Variants in PPM1A observed in about 807,000 individuals in gnomAD.
The protein encoded by PPM1A is protein phosphatase 1A.
In PPM1A, 7 loss-of-function variants were observed where a neutral mutation model predicts 35.0. That is an observed-to-expected ratio of 0.20 (90% CI 0.11 to 0.38). The LOEUF is 0.38. Ranked by LOEUF, PPM1A falls within the 10% of genes least tolerant of loss-of-function variation. The probability of loss-of-function intolerance (pLI) is 1.00; values close to 1 mark genes in which losing one functional copy is unlikely to be tolerated. For missense variants in PPM1A, 239 were observed against 467.8 expected, an observed-to-expected ratio of 0.51 and a Z score of 4.51; for synonymous variants, 153 against 167.3, an observed-to-expected ratio of 0.91 and a Z score of 0.66.
At chr14:60,275,329 A>C (rs1490876004) in intron 1 of PPM1A, among the ~76,000 whole-genome samples, 1 of 152,044 alleles carries the variant, frequency 6.6e-6, no homozygotes, top group Non-Finnish European at 1.5e-5. Flanking sequence ...TCTTAGCCTT[A>C]CTGATGAACC....
At chr14:60,259,335 A>T (rs1883489313) in intron 1 of PPM1A, among the ~76,000 whole-genome samples, 1 of 152,066 alleles carries the variant, frequency 6.6e-6, no homozygotes, top group Non-Finnish European at 1.5e-5. Flanking sequence ...TTAAATGTTT[A>T]ATAAGTTATA....
chr14:60,263,082 G>T (rs1328333190), intron 1 of PPM1A, among the ~76,000 whole-genome samples: 1 of 152,130 alleles, frequency 6.6e-6, no homozygotes, highest in Non-Finnish European at 1.5e-5. Flanking sequence ...GCCGAACGTG[G>T]TGGTGCACGC....
At position 60,293,577 on chromosome 14, in the gene PPM1A, A is replaced by AT. The variant is rs200827201; in HGVS notation, c.*1100dup. On this transcript the variant is annotated 3_prime_UTR_variant, in exon 6 of 6. Transcript: ENST00000395076. This position sits in a 1 kb window ranked among gnomAD's most constrained non-coding sequence, Gnocchi z 4.0. ...TAAATAGGTTTCTTTCAGGCTGCTTATTTTTCATTAAGATGTGTATCAGCT... is the reference window on the plus strand; with the variant it reads ...TAAATAGGTTTCTTTCAGGCTGCTTATTTTTTCATTAAGATGTGTATCAGCT... 2.6e-5 allele frequency: 4 copies of AT among 151,912 alleles called. No homozygotes were observed. The East Asian group carries it at 7.7e-4, about 29-fold the overall frequency. The allele number at this position is 151,912 out of a possible 1,614,324, so 9.4% of individuals were successfully genotyped here.
At chr14:60,276,437 C>G (rs1220662221) in intron 1 of PPM1A, among the ~76,000 whole-genome samples, 4 of 152,164 alleles carry the variant, frequency 2.6e-5, no homozygotes, top group African/African-American at 9.7e-5. Flanking sequence ...AACCTATTAT[C>G]TCAGTGGTCA....
chr14:60,254,283 G>C lies in PPM1A; in HGVS notation c.-21+4606G>C, dbSNP rs564252104. 2.2e-4 allele frequency among the ~76,000 whole-genome samples: 26 copies of C among 120,614 alleles called. No homozygotes were observed. In the South Asian group the frequency reaches 7.0e-3, roughly 32 times the overall value. The allele number at this position is 120,614 out of a possible 152,430, so 79.1% of individuals were successfully genotyped here. A position where few individuals can be genotyped will look rare whatever the true frequency, so the allele number is the denominator to read the frequency against. On this transcript the variant is annotated intron_variant, in intron 1 of 5. Transcript: ENST00000395076. ...TTTGAATAGACTAAAAGTTATAGAA[G>C]AAAGAGAAAGTTGAGTATGAGTAGC...
chr14:60,249,951 C>G lies in PPM1A; in HGVS notation c.-21+274C>G, dbSNP rs1045989237. Among the ~76,000 whole-genome samples the G allele has an allele frequency of 3.3e-5, 5 of 151,634 alleles. No individual in the cohort carries two copies. The highest frequency in any genetic ancestry group is 2.0e-4 in the East Asian group (1 of 5,090). ...GAGGGGGCGCGACCCTCTGGCCGTC[C>G]GCGGCCGAGATGGGTGTTTGTGGCG... On this transcript the variant is annotated intron_variant, in intron 1 of 5. Transcript: ENST00000395076. The surrounding 1 kb of genome is among the most constrained non-coding windows in gnomAD (Gnocchi z 4.5).
intron 1 of PPM1A, among the ~76,000 whole-genome samples, chr14:60,271,603 A>T (rs947963154): frequency 6.6e-6 from 1 of 152,102 alleles, no homozygotes; most frequent in African/African-American, 2.4e-5. Context: ...ATTGCTAGGG[A>T]CTCGAGAATG....
chr14:60,257,680 T>G (rs1883292072), intron 1 of PPM1A, among the ~76,000 whole-genome samples: 1 of 152,248 alleles, frequency 6.6e-6, no homozygotes, highest in Admixed American at 6.5e-5. Flanking sequence ...TTCTTAGTAC[T>G]ACCTTTTTCT....
rs142872413 is a variant in PPM1A, at chr14:60,266,760, A to T, written c.-20-15924A>T. 1.2e-3 allele frequency among the ~76,000 whole-genome samples: 189 copies of T among 152,298 alleles called. 2 individuals carry two copies. In the East Asian group the frequency reaches 0.023, roughly 18 times the overall value. The stretch of plus-strand genomic sequence containing the variant: ...GGTATTGCAGATTCTCATGATTTTA[A>T]GAATGTTTTGGCTATTCACATTTAT... On this transcript the variant is annotated intron_variant, in intron 1 of 5. Transcript: ENST00000395076.
rs1443736299 is a variant in PPM1A at position 60,249,732 on chromosome 14, G to A, written c.-21+55G>A. 5 of 963,732 alleles carry A rather than the reference G, an allele frequency of 5.2e-6. No homozygotes were observed. In the African/African-American group the frequency reaches 7.1e-5, roughly 14 times the overall value. 59.7% of individuals were successfully genotyped at this position (963,732 alleles called of 1,614,324 possible). A position where few individuals can be genotyped will look rare whatever the true frequency, so the allele number is the denominator to read the frequency against. On this transcript the variant is annotated intron_variant, in intron 1 of 5. Coordinates refer to ENST00000395076, the MANE Select transcript of PPM1A (RefSeq NM_021003.5). This position sits in a 1 kb window ranked among gnomAD's most constrained non-coding sequence, Gnocchi z 4.5. ...CTGGCGGGCGGTGCGGGCCTGCGCG[G>A]CGGCGGCGGCGGGCAGGCCTGGGGC...
chr14:60,287,384 TATG>T, intron 3 of PPM1A: 2 of 981,490 alleles, frequency 2.0e-6, no homozygotes, highest in Non-Finnish European at 2.4e-6. Flanking sequence ...ATAAATTAAA[TATG>T]GTATTTTTTA....
At chr14:60,281,596 C>T (rs988591322) in intron 1 of PPM1A, among the ~76,000 whole-genome samples, 4 of 152,144 alleles carry the variant, frequency 2.6e-5, no homozygotes, top group Non-Finnish European at 5.9e-5. Flanking sequence ...TCATGCTATC[C>T]TTCTTTTGGA....
Position 60,294,463 on chromosome 14 carries a change from G to A in PPM1A, c.*1981G>A, listed in dbSNP as rs1340085446. Reference sequence around the variant, plus strand: ...AATGTTCTAAGTTATGGCTTTGCAAGCATCTAAATGTGCATTTAATGAATA... The same window carrying A: ...AATGTTCTAAGTTATGGCTTTGCAAACATCTAAATGTGCATTTAATGAATA... On this transcript the variant is annotated 3_prime_UTR_variant, in exon 6 of 6. Coordinates refer to ENST00000395076, the MANE Select transcript of PPM1A (RefSeq NM_021003.5). 6.6e-6 allele frequency: 1 copy of A among 151,900 alleles called. No homozygotes were observed. The highest frequency in any genetic ancestry group is 2.4e-5 in the African/African-American group (1 of 41,420). The allele number at this position is 151,900 out of a possible 1,614,324, so 9.4% of individuals were successfully genotyped here.
In PPM1A at chr14:60,249,366, T is replaced by TG. The variant is rs1195242438; in HGVS notation, c.-326dup. ...GAACGGGTGGTTGGGGAGGGGGGGG[T>TG]GGGGGGACTCTAGACAGCTGAGGCG... On this transcript the variant is annotated 5_prime_UTR_variant, in exon 1 of 6. Transcript: ENST00000395076. This position sits in a 1 kb window ranked among gnomAD's most constrained non-coding sequence, Gnocchi z 4.5. The TG allele has an allele frequency of 2.0e-5, 4 of 197,834 alleles. No homozygotes were observed. The highest frequency in any genetic ancestry group is 1.3e-3 in the East Asian group (1 of 774). The allele number at this position is 197,834 out of a possible 1,614,324, so 12.3% of individuals were successfully genotyped here.
intron 4 of PPM1A, among the ~76,000 whole-genome samples, chr14:60,290,790 T>C (rs1384415299): frequency 6.6e-6 from 1 of 152,026 alleles, no homozygotes; most frequent in Non-Finnish European, 1.5e-5. Context: ...ACTTTTTTTT[T>C]CCATATGACT....
At chr14:60,286,138 A>G in intron 3 of PPM1A, 3 of 985,896 alleles carry the variant, frequency 3.0e-6, no homozygotes, top group Non-Finnish European at 3.6e-6. Context: ...AAAGCTGTGT[A>G]TATTAATTTT....
upstream of PPM1A, among the ~76,000 whole-genome samples, chr14:60,248,948 C>T (rs1464006530): frequency 6.6e-6 from 1 of 152,210 alleles, no homozygotes; most frequent in Non-Finnish European, 1.5e-5. Context: ...CCGGACGCTC[C>T]CTTCGGCTTC....
chr14:60,284,423 C>T (rs1886723861), intron 2 of PPM1A, among the ~76,000 whole-genome samples: 2 of 152,038 alleles, frequency 1.3e-5, no homozygotes, highest in Admixed American at 1.3e-4. Context: ...GGGCGGATCA[C>T]GAGGTCAGGA....
chr14:60,282,972 G>A lies in PPM1A; in HGVS notation c.269G>A (p.Gly90Glu), dbSNP rs1434368355. 1 of 1,614,204 alleles carries A rather than the reference G, an allele frequency of 6.2e-7. No homozygotes were observed. Among genetic ancestry groups the A allele is most frequent in the African/African-American group, 1.3e-5 (1 of 75,046 alleles). The change falls in exon 2 of 6, where the codon GGA (glycine) becomes GAA (glutamate). Residue 90 changes from glycine (G) to glutamate (E), a missense_variant. Around this residue, in one of 2 missense-constraint regions of PPM1A, gnomAD observed 175 missense variants for 389.2 expected, o/e 0.45. Transcript: ENST00000395076. This position sits in a 1 kb window ranked among gnomAD's most constrained non-coding sequence, Gnocchi z 5.1. ...AACCAGGATTTTAAAGGGTCTGCAGGAGCACCTTCTGTGGAAAATGTAAAG... is the reference window on the plus strand; with the variant it reads ...AACCAGGATTTTAAAGGGTCTGCAGAAGCACCTTCTGTGGAAAATGTAAAG... ...TNNQDFKGSAGAPSVENVKNG... is the reference protein window; with the variant it reads ...TNNQDFKGSAEAPSVENVKNG...
Sources: gnomAD v4.1 joint callset for allele counts (sites outside exome capture counted in the v4.1 genomes callset) on GRCh38, gnomAD v4.1.1 for gene constraint, gnomAD v4.1.1 regional missense constraint, Gnocchi (gnomAD v3.1) non-coding constraint, MANE v1.5 for transcripts, NCBI Gene and HGNC (gene_info 2026-07-23, HGNC 2026-07-21) for gene names.